RMDN1: variants seen among roughly 807,000 people sequenced by gnomAD.
The protein encoded by RMDN1 is regulator of microtubule dynamics 1, also known as regulator of microtubule dynamics protein 1.
A neutral mutation model predicts 48.9 loss-of-function variants in RMDN1; 48 were observed. The ratio of observed to expected loss-of-function variants is 0.98; its 90% CI spans 0.78 to 1.25. The LOEUF (loss-of-function observed/expected upper bound fraction) is 1.25, where lower values mean the gene tolerates loss of function less well. RMDN1 is among the 50% of genes most tolerant of loss of function. The pLI is 0.00. For synonymous variants in RMDN1, 148 were observed against 132.6 expected (o/e 1.12, Z -0.80); for missense variants, 418 against 373.4 (o/e 1.12, Z -0.98).
chr8:86,486,892 C>T (rs2130846280), intron 3 of RMDN1, among the ~76,000 whole-genome samples: 1 of 151,286 alleles, frequency 6.6e-6, no homozygotes, highest in African/African-American at 2.4e-5. Context: ...ATACTTCTTT[C>T]AAAAATATCT....
chr8:86,508,360 C>A, intron 1 of RMDN1, 132 bp downstream of exon 1: 1 of 985,956 alleles, frequency 1.0e-6, no homozygotes, highest in South Asian at 1.8e-5. Flanking sequence ...GTTCCAGGCA[C>A]AGTGGCCCCG....
At chr8:86,513,300 G>A (rs1023884675), upstream of RMDN1, among the ~76,000 whole-genome samples, 27 of 152,144 alleles carry the variant, frequency 1.8e-4, no homozygotes, top group African/African-American at 4.6e-4. Flanking sequence ...GCTTGAACCC[G>A]GGAGGCGGAG....
At chr8:86,504,447 G>C in intron 2 of RMDN1, 1 of 1,561,176 alleles carries the variant, frequency 6.4e-7, no homozygotes, top group Non-Finnish European at 8.8e-7. Flanking sequence ...TCAATGTTGT[G>C]TTCTATTACT....
At chr8:86,504,255 G>A (rs553232863) in intron 2 of RMDN1, 1 of 1,567,310 alleles carries the variant, frequency 6.4e-7, no homozygotes, top group Non-Finnish European at 8.8e-7. Context: ...ATGCTAAGTA[G>A]ATCCTCCAGC....
intron 5 of RMDN1, 90 bp from the exon 6 acceptor site, chr8:86,480,422 A>G (rs1244149541): frequency 1.5e-6 from 1 of 649,512 alleles, no homozygotes; most frequent in Admixed American, 3.2e-5. Context: ...ATGATTTTTT[A>G]AAAAATGCAA....
chr8:86,477,144 G>A, intron 8 of RMDN1, 150 bp downstream of exon 8: 1 of 516,512 alleles, frequency 1.9e-6, no homozygotes, highest in Non-Finnish European at 3.4e-6. Flanking sequence ...GATCTTTACT[G>A]AATAAAGACT....
chr8:86,508,438 G>A, intron 1 of RMDN1, 54 bp downstream of exon 1: 1 of 1,508,240 alleles, frequency 6.6e-7, no homozygotes. Flanking sequence ...TTAAGGGGGA[G>A]CCGGAACCCA....
Position 86,502,583 on chromosome 8 carries a change from A to G in RMDN1, c.247+4412T>C, listed in dbSNP as rs183496733. ...ACGTTTACTTATCTATATTACGCCAATAAGAAATTTGATGGATTTTTCTTT... is the reference window on the plus strand; with the variant it reads ...ACGTTTACTTATCTATATTACGCCAGTAAGAAATTTGATGGATTTTTCTTT... On this transcript the variant is annotated intron_variant, in intron 2 of 9. Transcript: ENST00000406452. Among the ~76,000 whole-genome samples, 22 of 152,316 alleles carry G rather than the reference A, an allele frequency of 1.4e-4. No homozygotes were observed. In the East Asian group the frequency reaches 2.7e-3, roughly 19 times the overall value.
chr8:86,506,865 C>G (rs1359734395), intron 2 of RMDN1, 130 bp downstream of exon 2: 1 of 582,754 alleles, frequency 1.7e-6, no homozygotes, highest in Admixed American at 2.9e-5. Context: ...TCTCACTGAG[C>G]AGATTGTGAA....
At chr8:86,493,846 A>C (rs1816895034) in intron 2 of RMDN1, among the ~76,000 whole-genome samples, 1 of 152,230 alleles carries the variant, frequency 6.6e-6, no homozygotes, top group Non-Finnish European at 1.5e-5. Context: ...CTATGTTTAG[A>C]CTTGGGTCCC....
rs202111370 is a variant in RMDN1, at chr8:86,488,640, C to T, written c.248-1G>A. 88 of 1,601,848 alleles carry T rather than the reference C, an allele frequency of 5.5e-5. No homozygotes were observed. The highest frequency in any genetic ancestry group is 1.2e-4 in the African/African-American group (9 of 74,422). Reference sequence around the variant, plus strand: ...TCTGCTTGTTCAAGTATTTCTTCAACTTCAAAGATTATAAAGGAAAAAAGA... The same window carrying T: ...TCTGCTTGTTCAAGTATTTCTTCAATTTCAAAGATTATAAAGGAAAAAAGA... On this transcript the variant is annotated splice_acceptor_variant, in intron 2 of 9. Coordinates refer to ENST00000406452, the MANE Select transcript of RMDN1 (RefSeq NM_016033.3). LOFTEE classifies it high-confidence loss of function.
intron 7 of RMDN1, chr8:86,478,501 T>C (rs142887221): frequency 1.3e-5 from 2 of 154,224 alleles, no homozygotes; most frequent in Admixed American, 6.5e-5. Flanking sequence ...TTTCATATGC[T>C]TTTTAAAATA....
chr8:86,475,050 G>T, intron 8 of RMDN1, 97 bp from the exon 9 acceptor site: 2 of 1,008,574 alleles, frequency 2.0e-6, no homozygotes, highest in Non-Finnish European at 2.9e-6. Context: ...AAATTTGTGT[G>T]GTCAATAAGT....
intron 2 of RMDN1, among the ~76,000 whole-genome samples, chr8:86,492,830 T>G (rs1298689102): frequency 6.6e-6 from 1 of 151,992 alleles, no homozygotes; most frequent in Admixed American, 6.6e-5. Context: ...TCAATGATAT[T>G]TATGCCCTTA....
intron 5 of RMDN1, chr8:86,482,921 C>T: frequency 1.1e-6 from 1 of 885,316 alleles, no homozygotes; most frequent in South Asian, 1.3e-5. Context: ...CTGGCTGTTT[C>T]CTCCAGAGGC....
chr8:86,512,824 A>G (rs1408937684), upstream of RMDN1, among the ~76,000 whole-genome samples: 1 of 152,132 alleles, frequency 6.6e-6, no homozygotes, highest in East Asian at 1.9e-4. Flanking sequence ...CTGTAATCCC[A>G]GCACTCTGGG....
At chr8:86,482,101 C>A in intron 5 of RMDN1, 1 of 581,558 alleles carries the variant, frequency 1.7e-6, no homozygotes, top group Non-Finnish European at 3.1e-6. Flanking sequence ...GGACCTCGAT[C>A]TTGAAAGGAG....
At chr8:86,513,995 A>T (rs1300585375) in intron 1 of RMDN1, among the ~76,000 whole-genome samples, 2 of 151,156 alleles carry the variant, frequency 1.3e-5, no homozygotes, top group Non-Finnish European at 2.9e-5. Context: ...GCGTGCCACC[A>T]CGCCCAGCTA....
intron 9 of RMDN1, 180 bp downstream of exon 9, chr8:86,474,640 T>C (rs1813057958): frequency 4.0e-6 from 3 of 753,248 alleles, no homozygotes; most frequent in Non-Finnish European, 7.0e-6. Flanking sequence ...CACCTGGTGA[T>C]AGTAACTAAA....
Sources: allele counts gnomAD v4.1 joint callset (sites outside exome capture counted in the v4.1 genomes callset), GRCh38; gene constraint gnomAD v4.1.1; transcripts MANE v1.5; gene names NCBI Gene and HGNC (gene_info 2026-07-23, HGNC 2026-07-21).